The following PDE4D variants were observed in gnomAD, a reference collection of about 807,000 sequenced individuals.
PDE4D encodes the protein phosphodiesterase 4D.
Under a neutral mutation model 87.4 loss-of-function variants are expected in PDE4D, and 24 were observed. The observed-to-expected ratio is 0.27, with a 90% CI of 0.20 to 0.39. The LOEUF is 0.39. Among genes scored for constraint, PDE4D ranks in the 10% least tolerant of loss-of-function variants. PDE4D has a pLI of 1.00. For missense variants in PDE4D, 714 were observed against 1,041.0 expected (o/e 0.69, Z 4.32); for synonymous variants, 384 against 383.2 (o/e 1.00, Z -0.02).
At chr5:59,849,967 T>C (rs1744431112) in intron 1 of PDE4D, among the ~76,000 whole-genome samples, 1 of 151,928 alleles carries the variant, frequency 6.6e-6, no homozygotes, top group Non-Finnish European at 1.5e-5. Context: ...ATGAAGCCAA[T>C]AAGCTGGTCA....
At chr5:59,348,286 A>G (rs1364771669) in intron 1 of PDE4D, among the ~76,000 whole-genome samples, 1 of 152,168 alleles carries the variant, frequency 6.6e-6, no homozygotes, top group Non-Finnish European at 1.5e-5. Flanking sequence ...GGGGCAACTT[A>G]TATCTACTGT....
rs189258462 is a variant in PDE4D, at chr5:60,443,932, G to T, written c.-90+44010C>A. ...GTGGACAGCTTTGGTCCAAAACATG[G>T]CATATCCCACCTCACCCACCCTACC... On this transcript the variant is annotated intron_variant, in intron 1 of 16. Coordinates refer to the PDE4D transcript ENST00000502484. Among the ~76,000 whole-genome samples, 214 of 152,058 alleles carry T rather than the reference G, an allele frequency of 1.4e-3. 5 individuals are homozygous for T. Among genetic ancestry groups the T allele is most frequent in the Admixed American group, 0.012 (189 of 15,246 alleles).
intron 3 of PDE4D, among the ~76,000 whole-genome samples, chr5:59,902,765 A>C (rs1362769372): frequency 1.3e-5 from 2 of 152,158 alleles, no homozygotes; most frequent in East Asian, 1.9e-4. Flanking sequence ...TGTGGAGTTG[A>C]ATATCTCATT....
chr5:59,035,742 C>T (rs910746350), intron 6 of PDE4D, among the ~76,000 whole-genome samples: 1 of 152,152 alleles, frequency 6.6e-6, no homozygotes, highest in Admixed American at 6.6e-5. Context: ...AACCATAATT[C>T]AACTTCCAGG....
At chr5:60,011,131 C>T (rs1489554505) in intron 2 of PDE4D, among the ~76,000 whole-genome samples, 1 of 152,070 alleles carries the variant, frequency 6.6e-6, no homozygotes, top group Non-Finnish European at 1.5e-5. Flanking sequence ...CACAAAAGGC[C>T]CCATTAGTTC....
intron 6 of PDE4D, among the ~76,000 whole-genome samples, chr5:59,014,290 T>C (rs1168549129): frequency 6.6e-6 from 1 of 152,192 alleles, no homozygotes; most frequent in Non-Finnish European, 1.5e-5. Flanking sequence ...TTGAAAGTTC[T>C]GGCCAGGGCA....
rs886060706 is a variant in PDE4D, at chr5:58,971,102, A to T, written c.*3562T>A. On this transcript the variant is annotated 3_prime_UTR_variant, in exon 15 of 15. Coordinates refer to ENST00000340635, the MANE Select transcript of PDE4D (RefSeq NM_001104631.2). ...AAAATCCACCTATTGGCAGAATTCT[A>T]ATCAATTAAAAGCCTGGATGTAAAA... 6.6e-6 allele frequency: 1 copy of T among 152,168 alleles called. No individual in the cohort carries two copies. The highest frequency in any genetic ancestry group is 1.5e-5 in the Non-Finnish European group (1 of 68,028). 9.4% of individuals were successfully genotyped at this position (152,168 alleles called of 1,614,324 possible).
At chr5:60,266,105 A>T (rs1186664396) in intron 1 of PDE4D, among the ~76,000 whole-genome samples, 1 of 152,080 alleles carries the variant, frequency 6.6e-6, no homozygotes, top group African/African-American at 2.4e-5. Context: ...GGGAAGAAGG[A>T]GCAGACATTT....
chr5:59,513,848 T>C (rs559745967), intron 1 of PDE4D, among the ~76,000 whole-genome samples: 73 of 152,322 alleles, frequency 4.8e-4, no homozygotes, highest in Middle Eastern at 3.4e-3. Context: ...TGAAGTTCGC[T>C]GTAAAGATAC....
intron 5 of PDE4D, among the ~76,000 whole-genome samples, chr5:59,135,931 G>A (rs557598215): frequency 6.6e-6 from 1 of 151,640 alleles, no homozygotes; most frequent in Non-Finnish European, 1.5e-5. Flanking sequence ...GTACTGCACC[G>A]AATGCCAGGA....
chr5:59,499,073 T>A (rs1807769102), intron 1 of PDE4D, among the ~76,000 whole-genome samples: 1 of 151,892 alleles, frequency 6.6e-6, no homozygotes, highest in African/African-American at 2.4e-5. Flanking sequence ...AAGCATCTTC[T>A]CAGACCACAG....
chr5:59,938,883 A>G (rs1756893519), intron 3 of PDE4D, among the ~76,000 whole-genome samples: 1 of 152,184 alleles, frequency 6.6e-6, no homozygotes, highest in Non-Finnish European at 1.5e-5. Flanking sequence ...TCTACTGGTC[A>G]CATGTATCTA....
intron 1 of PDE4D, among the ~76,000 whole-genome samples, chr5:59,270,583 C>T (rs1001615217): frequency 6.6e-6 from 1 of 152,168 alleles, no homozygotes; most frequent in South Asian, 2.1e-4. Context: ...TAATGGTCTA[C>T]AAGCTGCAAG....
chr5:59,235,021 T>G (rs1756082001), intron 1 of PDE4D, among the ~76,000 whole-genome samples: 1 of 151,574 alleles, frequency 6.6e-6, no homozygotes, highest in Admixed American at 6.6e-5. Context: ...ATTCAGAACT[T>G]AAGTTAAATT....
intron 2 of PDE4D, among the ~76,000 whole-genome samples, chr5:60,136,179 C>A (rs1426873651): frequency 3.9e-5 from 6 of 152,146 alleles, no homozygotes; most frequent in African/African-American, 1.2e-4. Context: ...ACAGTACTTG[C>A]AATTAACTAC....
intron 2 of PDE4D, among the ~76,000 whole-genome samples, chr5:59,990,519 A>T (rs548235598): frequency 7.3e-6 from 1 of 136,290 alleles, no homozygotes; most frequent in Non-Finnish European, 1.6e-5. Flanking sequence ...ACAGAAGGGT[A>T]CTGAGAAGAT....
intron 1 of PDE4D, among the ~76,000 whole-genome samples, chr5:60,206,232 A>G (rs1742505456): frequency 6.6e-6 from 1 of 152,202 alleles, no homozygotes; most frequent in African/African-American, 2.4e-5. Flanking sequence ...ATCTGATGTT[A>G]AAAAATGCTT....
chr5:59,244,662 G>T (rs375449185), intron 1 of PDE4D, among the ~76,000 whole-genome samples: 1 of 128,526 alleles, frequency 7.8e-6, no homozygotes, highest in Admixed American at 8.9e-5. Context: ...ATAGATATAT[G>T]TATGTATGTG....
At position 59,568,593 on chromosome 5, in the gene PDE4D, TG is replaced by T. The variant is rs1412287446; in HGVS notation, c.455+324574del. On this transcript the variant is annotated intron_variant, in intron 1 of 14. Transcript: ENST00000340635. ...TCAAGGTTAACATCTTTAGTCATGT[TG>T]ACAGTGTGATGGAAAAATGGCACAT... is the stretch of plus-strand genomic sequence containing the variant. Among the ~76,000 whole-genome samples, 12 of 67,552 alleles carry T rather than the reference TG, an allele frequency of 1.8e-4. No individual in the cohort carries two copies. The East Asian group carries it at 4.9e-3, about 28-fold the overall frequency. 44.3% of individuals were successfully genotyped at this position (67,552 alleles called of 152,430 possible).
Sources: allele counts gnomAD v4.1 joint callset (sites outside exome capture counted in the v4.1 genomes callset), GRCh38; gene constraint gnomAD v4.1.1; transcripts MANE v1.5; gene names NCBI Gene and HGNC (gene_info 2026-07-23, HGNC 2026-07-21).